The following CLIP3 variants were observed in gnomAD, a reference collection of about 807,000 sequenced individuals.
CLIP3 encodes the protein CAP-Gly domain-containing linker protein 3.
In CLIP3, 15 loss-of-function variants were observed where a neutral mutation model predicts 59.4. The observed-to-expected ratio is 0.25, with a 90% CI of 0.17 to 0.39. CLIP3 has a LOEUF of 0.39. Ranked by LOEUF, CLIP3 falls within the 10% of genes least tolerant of loss-of-function variation. CLIP3 has a pLI of 1.00. For synonymous variants in CLIP3, 300 were observed against 321.6 expected (o/e 0.93, Z 0.72); for missense variants, 495 against 765.7 (o/e 0.65, Z 4.17).
In CLIP3 at chr19:36,028,753, C is replaced by T. The variant is rs79468300; in HGVS notation, c.167-1482G>A. 6.9e-3 allele frequency among the ~76,000 whole-genome samples: 1,048 copies of T among 152,258 alleles called. 15 individuals are homozygous for T. The highest frequency in any genetic ancestry group is 0.024 in the African/African-American group (977 of 41,544). On this transcript the variant is annotated intron_variant, in intron 2 of 13. Coordinates refer to ENST00000360535, the MANE Select transcript of CLIP3 (RefSeq NM_015526.3). ...TCTGCACATCCAGCCCCTCAGTTCT[C>T]AGCCCTCTCCCCTCACTTATTCCCC...
chr19:36,017,517 C>T, intron 11 of CLIP3, 67 bp from the exon 12 acceptor site: 1 of 1,603,654 alleles, frequency 6.2e-7, no homozygotes, highest in Admixed American at 1.7e-5. Context: ...GAGAGCTGGG[C>T]CCCAGGGATC....
In CLIP3 at chr19:36,017,772, C is replaced by T; in HGVS notation, c.1334G>A (p.Trp445Ter). ...GGGCTGGTCCAGCTCAATGCCATAC[C>T]AGTAACCTGCAGCACGAGGGTGTCA... ...YGKTDFAPGY[W>*]YGIELDQPTG... is the part of the protein sequence containing the mutation. Residue 445 changes from tryptophan (W) to a stop codon, truncating the protein, a stop_gained, in exon 11 of 14, where the codon TGG becomes TAG. Coordinates refer to ENST00000360535, the MANE Select transcript of CLIP3 (RefSeq NM_015526.3). LOFTEE classifies it high-confidence loss of function. The T allele has an allele frequency of 6.2e-7, 1 of 1,614,136 alleles. No homozygotes were observed. Among genetic ancestry groups the T allele is most frequent in the Non-Finnish European group, 8.5e-7 (1 of 1,180,022 alleles).
Position 36,026,465 on chromosome 19 carries a change from C to G in CLIP3, c.562+121G>C, listed in dbSNP as rs903156376. ...TCCCTGAGCCCCCTCTCCCACGCCT[C>G]CAACCTCCCGCTATCTCCTCAGATC... On this transcript the variant is annotated intron_variant, in intron 5 of 13. Coordinates refer to ENST00000360535, the MANE Select transcript of CLIP3 (RefSeq NM_015526.3). The surrounding 1 kb of genome is among the most constrained non-coding windows in gnomAD (Gnocchi z 6.3). 2.5e-5 allele frequency: 36 copies of G among 1,427,524 alleles called. No individual in the cohort carries two copies. Among genetic ancestry groups the G allele is most frequent in the Non-Finnish European group, 3.3e-5 (35 of 1,048,884 alleles). 88.4% of individuals were successfully genotyped at this position (1,427,524 alleles called of 1,614,324 possible).
chr19:36,023,839 A>G (rs2145399992), intron 7 of CLIP3, among the ~76,000 whole-genome samples: 1 of 152,278 alleles, frequency 6.6e-6, no homozygotes, highest in East Asian at 1.9e-4. Context: ...TATGGAGCCC[A>G]AGGGACACCG....
At chr19:36,019,602 T>A (rs796572204) in intron 7 of CLIP3, among the ~76,000 whole-genome samples, 6,482 of 102,434 alleles carry the variant, frequency 0.063, 209 homozygotes, top group Non-Finnish European at 0.085. Flanking sequence ...TTATTTATTT[T>A]ATTTATTTTT....
intron 9 of CLIP3, 126 bp from the exon 10 acceptor site, chr19:36,018,117 G>A: frequency 9.0e-7 from 1 of 1,114,724 alleles, no homozygotes; most frequent in Non-Finnish European, 1.3e-6. Flanking sequence ...AATCCCAGAT[G>A]CCAGAGAATT....
Position 36,032,334 on chromosome 19 carries a change from C to G in CLIP3, c.24G>C (p.Pro8=). Residue 8 remains proline, a synonymous_variant, in exon 2 of 14, where the codon CCG becomes CCC. Coordinates refer to ENST00000360535, the MANE Select transcript of CLIP3 (RefSeq NM_015526.3). The surrounding 1 kb of genome is among the most constrained non-coding windows in gnomAD (Gnocchi z 4.3). Reference sequence around the variant, plus strand: ...CCTCTCCTCGGGGTGGCGGGGCCATCGGGGCAGGATCTGTCTTAGTCATGG... The same window carrying G: ...CCTCTCCTCGGGGTGGCGGGGCCATGGGGGCAGGATCTGTCTTAGTCATGG... MTKTDPA[P]MAPPPRGEEE... 1 of 1,269,214 alleles carries G rather than the reference C, an allele frequency of 7.9e-7. No individual in the cohort carries two copies. The highest frequency in any genetic ancestry group is 1.0e-6 in the Non-Finnish European group (1 of 999,430). 78.6% of individuals were successfully genotyped at this position (1,269,214 alleles called of 1,614,324 possible). A position where few individuals can be genotyped will look rare whatever the true frequency, so the allele number is the denominator to read the frequency against.
Position 36,016,835 on chromosome 19 carries a change from T to C in CLIP3, c.1589+72A>G. The C allele has an allele frequency of 2.0e-6, 3 of 1,506,216 alleles. No individual in the cohort carries two copies. The highest frequency in any genetic ancestry group is 1.8e-6 in the Non-Finnish European group (2 of 1,094,766). 93.3% of individuals were successfully genotyped at this position (1,506,216 alleles called of 1,614,324 possible). A position where few individuals can be genotyped will look rare whatever the true frequency, so the allele number is the denominator to read the frequency against. Reference sequence around the variant, plus strand: ...AGCCCTGACCAGAGCTCCAGACCTCTGGGTCCAACTGCCTTATGGATCCCT... The same window carrying C: ...AGCCCTGACCAGAGCTCCAGACCTCCGGGTCCAACTGCCTTATGGATCCCT... On this transcript the variant is annotated intron_variant, in intron 13 of 13. Coordinates refer to ENST00000360535, the MANE Select transcript of CLIP3 (RefSeq NM_015526.3). The surrounding 1 kb of genome is among the most constrained non-coding windows in gnomAD (Gnocchi z 4.1).
intron 2 of CLIP3, among the ~76,000 whole-genome samples, chr19:36,031,008 C>CTTTTTTTTTTTTT (rs374690845): frequency 2.3e-3 from 176 of 77,812 alleles, no homozygotes; most frequent in Non-Finnish European, 3.1e-3. Context: ...TTTTTCTTTT[C>CTTTTTTTTTTTTT]TTTTTTTTTT....
Position 36,016,134 on chromosome 19 carries a change from C to G in CLIP3, c.*24G>C. ...CAGGAGATGCTAGTGGGGACTCTGT[C>G]TCTTTGTCAGGTGTCCAGGGCCTCT... On this transcript the variant is annotated 3_prime_UTR_variant, in exon 14 of 14. Coordinates refer to ENST00000360535, the MANE Select transcript of CLIP3 (RefSeq NM_015526.3). This position sits in a 1 kb window ranked among gnomAD's most constrained non-coding sequence, Gnocchi z 4.1. The G allele has an allele frequency of 6.2e-7, 1 of 1,613,622 alleles. No individual in the cohort carries two copies. The highest frequency in any genetic ancestry group is 8.5e-7 in the Non-Finnish European group (1 of 1,179,684).
At chr19:36,022,041 G>A (rs370354885) in intron 7 of CLIP3, among the ~76,000 whole-genome samples, 1 of 152,004 alleles carries the variant, frequency 6.6e-6, no homozygotes, top group Non-Finnish European at 1.5e-5. Context: ...ACCATGCCTG[G>A]CTAATTTTTT....
At chr19:36,021,101 C>T (rs1968940777) in intron 7 of CLIP3, among the ~76,000 whole-genome samples, 1 of 152,138 alleles carries the variant, frequency 6.6e-6, no homozygotes, top group Non-Finnish European at 1.5e-5. Flanking sequence ...TAGTTTCAAA[C>T]TCCTGGCCTC....
Position 36,016,236 on chromosome 19 carries a change from A to C in CLIP3, c.1590-24T>G, listed in dbSNP as rs747344466. 4.3e-6 allele frequency: 7 copies of C among 1,613,978 alleles called. No homozygotes were observed. The South Asian group carries it at 6.6e-5, about 15-fold the overall frequency. On this transcript the variant is annotated intron_variant, in intron 13 of 13. Transcript: ENST00000360535. This position sits in a 1 kb window ranked among gnomAD's most constrained non-coding sequence, Gnocchi z 4.1. ...ACCTGGAAAGGAGGATGACAGGGTC[A>C]CGCCCTTAGGCAGGCAGCGGGGACA...
rs973700041 is a variant in CLIP3, at chr19:36,019,185, C to T, written c.1040G>A (p.Cys347Tyr). 6.2e-7 allele frequency: 1 copy of T among 1,613,854 alleles called. No individual in the cohort carries two copies. Among genetic ancestry groups the T allele is most frequent in the African/African-American group, 1.3e-5 (1 of 74,946 alleles). ...GSVGGVRYFI[C>Y]PPKQGLFASV... ...GTCGGACTAACCCTGCTTGGGAGGG[C>T]AGATGAAGTACCGAACGCCCCCAAC... The change falls in exon 8 of 14, where the codon TGC becomes TAC. Residue 347 changes from cysteine (C) to tyrosine (Y), a missense_variant. This residue lies in a region of CLIP3 where 194 missense variants were observed against 327.8 expected (regional missense o/e 0.59). Coordinates refer to ENST00000360535, the MANE Select transcript of CLIP3 (RefSeq NM_015526.3).
intron 2 of CLIP3, among the ~76,000 whole-genome samples, chr19:36,031,078 G>C (rs1338346482): frequency 8.6e-6 from 1 of 116,698 alleles, no homozygotes; most frequent in East Asian, 3.0e-4. Flanking sequence ...CTGGAGTGTA[G>C]TGGCTCGATC....
At chr19:36,021,661 C>T (rs956279519) in intron 7 of CLIP3, among the ~76,000 whole-genome samples, 1 of 151,878 alleles carries the variant, frequency 6.6e-6, no homozygotes, top group Non-Finnish European at 1.5e-5. Flanking sequence ...TGGGCTCAAG[C>T]GATCCTTCTG....
chr19:36,017,269 G>GA, intron 12 of CLIP3, 117 bp downstream of exon 12: 5 of 1,050,580 alleles, frequency 4.8e-6, no homozygotes, highest in Non-Finnish European at 7.3e-6. Context: ...CATTTTCCTG[G>GA]ACCCTGTGTC....
rs1968758762 is a variant in CLIP3, at chr19:36,015,163, G to C, written c.*995C>G. On this transcript the variant is annotated 3_prime_UTR_variant, in exon 14 of 14. Coordinates refer to ENST00000360535, the MANE Select transcript of CLIP3 (RefSeq NM_015526.3). ...TCATGATTGGGTTTCCTGGGGACTT[G>C]GGATTGGATTTTCAAATTTGGGATT... 1 of 152,218 alleles carries C rather than the reference G, an allele frequency of 6.6e-6. No individual in the cohort carries two copies. Among genetic ancestry groups the C allele is most frequent in the South Asian group, 2.1e-4 (1 of 4,822 alleles). The allele number at this position is 152,218 out of a possible 1,614,324, so 9.4% of individuals were successfully genotyped here. A position where few individuals can be genotyped will look rare whatever the true frequency, so the allele number is the denominator to read the frequency against.
Position 36,016,367 on chromosome 19 carries a change from A to T in CLIP3, c.1590-155T>A, listed in dbSNP as rs1005647403. On this transcript the variant is annotated intron_variant, in intron 13 of 13. Coordinates refer to ENST00000360535, the MANE Select transcript of CLIP3 (RefSeq NM_015526.3). This position sits in a 1 kb window ranked among gnomAD's most constrained non-coding sequence, Gnocchi z 4.1. ...GGTTTGTTTGTTTGTTTGTTTTCTG[A>T]GATGGAGTCTCACTCTGTCACCCAG... Among the ~76,000 whole-genome samples, 2 of 152,104 alleles carry T rather than the reference A, an allele frequency of 1.3e-5. No individual in the cohort carries two copies. Among genetic ancestry groups the T allele is most frequent in the African/African-American group, 4.8e-5 (2 of 41,388 alleles).
Sources: allele counts gnomAD v4.1 joint callset (sites outside exome capture counted in the v4.1 genomes callset), GRCh38; gene constraint gnomAD v4.1.1; regional missense constraint gnomAD v4.1.1; non-coding constraint Gnocchi (gnomAD v3.1); transcripts MANE v1.5; gene names NCBI Gene and HGNC (gene_info 2026-07-23, HGNC 2026-07-21).